MEI4: variants seen among roughly 807,000 people sequenced by gnomAD.
MEI4 encodes meiosis-specific protein MEI4.
In MEI4, 27 loss-of-function variants were observed where a neutral mutation model predicts 31.4. That is an observed-to-expected ratio of 0.86 (90% CI 0.63 to 1.19). The LOEUF (loss-of-function observed/expected upper bound fraction) is 1.19. Among genes scored for constraint, MEI4 ranks in the 50% most tolerant of loss-of-function variants. The pLI, the probability that MEI4 is intolerant of heterozygous loss-of-function variation, is 0.00. For synonymous variants in MEI4, 122 were observed against 145.4 expected, an observed-to-expected ratio of 0.84 and a Z score of 1.16; for missense variants, 329 against 398.9, an observed-to-expected ratio of 0.82 and a Z score of 1.49.
At chr6:77,701,660 A>C (rs182693351) in intron 2 of MEI4, among the ~76,000 whole-genome samples, 3 of 152,044 alleles carry the variant, frequency 2.0e-5, no homozygotes, top group Non-Finnish European at 4.4e-5. Context: ...ATATTCATAA[A>C]TCATAGGCTA....
At position 77,730,191 on chromosome 6, in the gene MEI4, C is replaced by T. The variant is rs370992587; in HGVS notation, c.233-30939C>T. ...TTTGGCGTGTACAGTGTATAGGGGG[C>T]ACTGAATTGGGTGTATTGCTGACTT... On this transcript the variant is annotated intron_variant, in intron 2 of 4. Coordinates refer to ENST00000684080, the MANE Select transcript of MEI4 (RefSeq NM_001322247.2). Among the ~76,000 whole-genome samples the T allele has an allele frequency of 2.8e-4, 42 of 152,136 alleles. No homozygotes were observed. In the South Asian group the frequency reaches 3.3e-3, roughly 12 times the overall value.
At chr6:77,688,490 C>T (rs1411916145) in intron 1 of MEI4, among the ~76,000 whole-genome samples, 3 of 152,074 alleles carry the variant, frequency 2.0e-5, no homozygotes, top group African/African-American at 7.2e-5. Context: ...AGCTGATATT[C>T]AGCATGATTT....
chr6:77,775,101 G>A (rs982837220), intron 3 of MEI4, among the ~76,000 whole-genome samples: 26 of 152,006 alleles, frequency 1.7e-4, no homozygotes, highest in Non-Finnish European at 3.2e-4. Context: ...GAATATTTGC[G>A]ACGGCATTTA....
chr6:77,727,742 A>G (rs1440558942), intron 2 of MEI4, among the ~76,000 whole-genome samples: 1 of 152,236 alleles, frequency 6.6e-6, no homozygotes, highest in African/African-American at 2.4e-5. Context: ...GTCAGATGTA[A>G]AAACATTAAA....
chr6:77,768,717 TACAG>T (rs1029534071), intron 3 of MEI4, among the ~76,000 whole-genome samples: 7 of 150,402 alleles, frequency 4.7e-5, no homozygotes, highest in South Asian at 2.1e-4. Flanking sequence ...AAAAAAAAAT[TACAG>T]ACAGCAACAG....
chr6:77,908,389 C>A (rs1766349459), intron 4 of MEI4, among the ~76,000 whole-genome samples: 1 of 152,228 alleles, frequency 6.6e-6, no homozygotes, highest in East Asian at 1.9e-4. Flanking sequence ...TTCCCAGCAC[C>A]ATTTATTAAA....
intron 2 of MEI4, among the ~76,000 whole-genome samples, chr6:77,726,991 G>A (rs1033811389): frequency 6.6e-6 from 1 of 152,192 alleles, no homozygotes; most frequent in African/African-American, 2.4e-5. Flanking sequence ...AAGGACTAAA[G>A]ATACTCTTGG....
At chr6:77,866,089 A>G (rs955341058) in intron 4 of MEI4, among the ~76,000 whole-genome samples, 3 of 151,858 alleles carry the variant, frequency 2.0e-5, no homozygotes, top group Admixed American at 2.0e-4. Flanking sequence ...TCAAAATAAT[A>G]AGAGCTATCT....
chr6:77,699,471 C>T (rs1289234902), intron 2 of MEI4, among the ~76,000 whole-genome samples: 5 of 152,140 alleles, frequency 3.3e-5, no homozygotes, highest in South Asian at 2.1e-4. Context: ...GGATTACAGG[C>T]GTGAGCCACC....
At chr6:77,673,700 G>A (rs955131712) in intron 1 of MEI4, among the ~76,000 whole-genome samples, 15 of 152,236 alleles carry the variant, frequency 9.9e-5, no homozygotes, top group Admixed American at 2.6e-4. Context: ...TTAAGAGAAG[G>A]GACAATCACT....
intron 3 of MEI4, among the ~76,000 whole-genome samples, chr6:77,781,486 G>A (rs1317817036): frequency 6.6e-6 from 1 of 152,058 alleles, no homozygotes; most frequent in African/African-American, 2.4e-5. Flanking sequence ...TAGAAATGCA[G>A]AATCTCAAAC....
At chr6:77,665,829 G>C (rs950738114) in intron 1 of MEI4, among the ~76,000 whole-genome samples, 2 of 152,190 alleles carry the variant, frequency 1.3e-5, no homozygotes, top group Non-Finnish European at 2.9e-5. Context: ...GGTTGGAGGA[G>C]AGAGTAAGAA....
intron 4 of MEI4, among the ~76,000 whole-genome samples, chr6:77,839,883 A>G (rs1411442571): frequency 3.9e-5 from 6 of 152,200 alleles, no homozygotes; most frequent in African/African-American, 1.4e-4. Context: ...ACTACTCAAT[A>G]TACACAATTA....
chr6:77,866,309 A>T (rs950856330), intron 4 of MEI4, among the ~76,000 whole-genome samples: 20 of 152,270 alleles, frequency 1.3e-4, no homozygotes, highest in East Asian at 7.7e-4. Flanking sequence ...TGCAGATGAC[A>T]TGATTGTATA....
chr6:77,911,754 ATCT>A (rs940716781), intron 4 of MEI4, among the ~76,000 whole-genome samples: 2 of 148,748 alleles, frequency 1.3e-5, no homozygotes, highest in Non-Finnish European at 3.0e-5. Context: ...ATATAAATAC[ATCT>A]TCTTTATCCA....
intron 2 of MEI4, among the ~76,000 whole-genome samples, chr6:77,744,982 A>G (rs918589334): frequency 2.6e-5 from 4 of 152,234 alleles, no homozygotes; most frequent in African/African-American, 9.6e-5. Flanking sequence ...CTAAACATGG[A>G]AAGGAACAAC....
intron 4 of MEI4, among the ~76,000 whole-genome samples, chr6:77,852,745 AT>A (rs1770658288): frequency 6.6e-6 from 1 of 151,836 alleles, no homozygotes; most frequent in Non-Finnish European, 1.5e-5. Context: ...CACTAATCAC[AT>A]TCTTGAGGCC....
At chr6:77,834,086 C>T (rs1203815047) in intron 4 of MEI4, among the ~76,000 whole-genome samples, 1 of 152,080 alleles carries the variant, frequency 6.6e-6, no homozygotes, top group Admixed American at 6.6e-5. Context: ...ACCTGGACCC[C>T]ATTAAAACAA....
At chr6:77,680,050 AT>A (rs1477402164) in intron 1 of MEI4, among the ~76,000 whole-genome samples, 1 of 147,656 alleles carries the variant, frequency 6.8e-6, no homozygotes, top group Non-Finnish European at 1.5e-5. Flanking sequence ...TGAGTGTTGT[AT>A]TTTTTTAAAA....
Sources: allele counts gnomAD v4.1 joint callset (sites outside exome capture counted in the v4.1 genomes callset), GRCh38; gene constraint gnomAD v4.1.1; transcripts MANE v1.5; gene names NCBI Gene and HGNC (gene_info 2026-07-23, HGNC 2026-07-21).